The following UNC5D variants were observed in gnomAD, a reference collection of about 807,000 sequenced individuals.
The protein encoded by UNC5D is unc-5 netrin receptor D, also known as netrin receptor UNC5D.
Under a neutral mutation model 105.4 loss-of-function variants are expected in UNC5D, and 39 were observed. The observed-to-expected ratio is 0.37, with a 90% CI of 0.29 to 0.48. The LOEUF (loss-of-function observed/expected upper bound fraction) is 0.48. UNC5D is among the 20% of genes least tolerant of loss of function. UNC5D has a pLI of 0.98. For synonymous variants in UNC5D, 452 were observed against 450.4 expected (o/e 1.00, Z -0.04); for missense variants, 991 against 1,202.4 (o/e 0.82, Z 2.60).
At chr8:35,471,249 A>G (rs1036502733) in intron 1 of UNC5D, among the ~76,000 whole-genome samples, 1 of 152,178 alleles carries the variant, frequency 6.6e-6, no homozygotes, top group Non-Finnish European at 1.5e-5. Flanking sequence ...TCCAAGTAGT[A>G]ACTATACCAG....
chr8:35,249,144 T>G (rs1439304737), intron 1 of UNC5D, among the ~76,000 whole-genome samples: 1 of 136,438 alleles, frequency 7.3e-6, no homozygotes, highest in Admixed American at 8.4e-5. Flanking sequence ...TAATTATATA[T>G]AAAATCTACA....
At chr8:35,237,810 C>G (rs1407634682) in intron 1 of UNC5D, among the ~76,000 whole-genome samples, 1 of 152,200 alleles carries the variant, frequency 6.6e-6, no homozygotes, top group Non-Finnish European at 1.5e-5. Flanking sequence ...GTCAGAGAGT[C>G]CTCAAGAAAT....
At chr8:35,424,602 T>A (rs1806121867) in intron 1 of UNC5D, among the ~76,000 whole-genome samples, 1 of 152,172 alleles carries the variant, frequency 6.6e-6, no homozygotes, top group African/African-American at 2.4e-5. Context: ...TTCCTAGAGA[T>A]TCTGGCTTGG....
chr8:35,586,312 T>C (rs559389212), intron 3 of UNC5D, among the ~76,000 whole-genome samples: 1 of 152,206 alleles, frequency 6.6e-6, no homozygotes, highest in Non-Finnish European at 1.5e-5. Flanking sequence ...CTAAGCAAGG[T>C]AGAGGGTTTA....
intron 8 of UNC5D, among the ~76,000 whole-genome samples, chr8:35,707,573 G>A (rs1223770717): frequency 6.6e-6 from 1 of 152,038 alleles, no homozygotes; most frequent in Non-Finnish European, 1.5e-5. Flanking sequence ...TGGAGTAAGT[G>A]GACTCTTACC....
At chr8:35,629,650 A>G (rs1173532607) in intron 4 of UNC5D, among the ~76,000 whole-genome samples, 1 of 152,252 alleles carries the variant, frequency 6.6e-6, no homozygotes, top group East Asian at 1.9e-4. Context: ...ATTACACAAT[A>G]TACCCACGTA....
intron 4 of UNC5D, among the ~76,000 whole-genome samples, chr8:35,638,427 C>T (rs1315662162): frequency 6.6e-6 from 1 of 151,966 alleles, no homozygotes; most frequent in African/African-American, 2.4e-5. Context: ...ACTATATGAT[C>T]TATATTTTTC....
intron 3 of UNC5D, among the ~76,000 whole-genome samples, chr8:35,571,447 A>G (rs1188985898): frequency 2.0e-5 from 3 of 152,172 alleles, no homozygotes; most frequent in African/African-American, 7.2e-5. Context: ...GCAAGTCAAG[A>G]CATGATTTGT....
chr8:35,544,999 CAAG>C (rs1815545005), intron 1 of UNC5D, among the ~76,000 whole-genome samples: 6 of 152,110 alleles, frequency 3.9e-5, no homozygotes, highest in African/African-American at 1.4e-4. Context: ...TGCTGAACTG[CAAG>C]AAGGTCATCA....
chr8:35,643,937 C>T (rs1156544121), intron 4 of UNC5D, among the ~76,000 whole-genome samples: 1 of 152,000 alleles, frequency 6.6e-6, no homozygotes, highest in Non-Finnish European at 1.5e-5. Context: ...TGAGATGAAG[C>T]CCCCCATTTT....
In UNC5D at chr8:35,449,332, G is replaced by A. The variant is rs568795716; in HGVS notation, c.104-99960G>A. Among the ~76,000 whole-genome samples, 7 of 151,972 alleles carry A rather than the reference G, an allele frequency of 4.6e-5. No individual in the cohort carries two copies. In the East Asian group the frequency reaches 5.8e-4, roughly 13 times the overall value. On this transcript the variant is annotated intron_variant, in intron 1 of 16. Transcript: ENST00000404895. The stretch of plus-strand genomic sequence containing the variant: ...GCTCCCTCACCATGAGACCTTTCCC[G>A]TGGCACCTTCCATGTCCTCTCTGTT...
intron 1 of UNC5D, among the ~76,000 whole-genome samples, chr8:35,302,610 A>G (rs1347206966): frequency 6.6e-6 from 1 of 152,224 alleles, no homozygotes. Flanking sequence ...GCACAATAGA[A>G]AATGAGTTAA....
intron 1 of UNC5D, among the ~76,000 whole-genome samples, chr8:35,382,421 G>C (rs1232000871): frequency 6.6e-6 from 1 of 152,176 alleles, no homozygotes; most frequent in African/African-American, 2.4e-5. Context: ...AACTGAACTT[G>C]TTCATGGTCT....
In UNC5D at chr8:35,795,881, T is replaced by C. The variant is rs1407055496; in HGVS notation, c.*5318T>C. 1 of 152,192 alleles carries C rather than the reference T, an allele frequency of 6.6e-6. No individual in the cohort carries two copies. The highest frequency in any genetic ancestry group is 1.5e-5 in the Non-Finnish European group (1 of 68,034). 9.4% of individuals were successfully genotyped at this position (152,192 alleles called of 1,614,324 possible). On this transcript the variant is annotated 3_prime_UTR_variant, in exon 17 of 17. Transcript: ENST00000404895. ...ATTGGTACATACACTCCAGGAAGTC[T>C]CAACCTAGAAACATTTCCAACCTAA... is the stretch of plus-strand genomic sequence containing the variant.
intron 1 of UNC5D, among the ~76,000 whole-genome samples, chr8:35,248,871 A>AAAATATATAATATATTATAT (rs1284712396): frequency 4.2e-5 from 4 of 95,364 alleles, no homozygotes; most frequent in Non-Finnish European, 7.3e-5. Context: ...TAATAATATA[A>AAAATATATAATATATTATAT]AAATATATAA....
At chr8:35,442,281 C>A (rs1458767539) in intron 1 of UNC5D, among the ~76,000 whole-genome samples, 2 of 151,770 alleles carry the variant, frequency 1.3e-5, no homozygotes, top group Non-Finnish European at 2.9e-5. Flanking sequence ...AATCCTACTA[C>A]ACATGAATAT....
At chr8:35,285,528 G>A (rs187944554) in intron 1 of UNC5D, among the ~76,000 whole-genome samples, 63 of 152,244 alleles carry the variant, frequency 4.1e-4, no homozygotes, top group Non-Finnish European at 4.3e-4. Context: ...AGCTTTCTGG[G>A]TAGCATTTAA....
At chr8:35,650,685 T>TGA (rs1355318017) in intron 4 of UNC5D, among the ~76,000 whole-genome samples, 6 of 152,096 alleles carry the variant, frequency 3.9e-5, no homozygotes, top group African/African-American at 2.4e-5. Flanking sequence ...TTTGCCAGGC[T>TGA]GGTCTCAAAC....
intron 1 of UNC5D, among the ~76,000 whole-genome samples, chr8:35,548,973 G>A (rs1053549868): frequency 6.6e-6 from 1 of 152,132 alleles, no homozygotes; most frequent in African/African-American, 2.4e-5. Flanking sequence ...CCATTCACCA[G>A]AGCCTCTCAC....
Sources: allele counts gnomAD v4.1 joint callset (sites outside exome capture counted in the v4.1 genomes callset), GRCh38; gene constraint gnomAD v4.1.1; transcripts MANE v1.5; gene names NCBI Gene and HGNC (gene_info 2026-07-23, HGNC 2026-07-21).